The following SPIRE2 variants were observed in gnomAD, a reference collection of about 807,000 sequenced individuals.
SPIRE2 encodes the protein spire type actin nucleation factor 2.
Under a neutral mutation model 80.7 loss-of-function variants are expected in SPIRE2, and 76 were observed. The observed-to-expected ratio is 0.94, with a 90% CI of 0.78 to 1.14. The LOEUF (loss-of-function observed/expected upper bound fraction) is 1.14. SPIRE2 is among the 50% of genes most tolerant of loss of function. The pLI, the probability that SPIRE2 is intolerant of heterozygous loss-of-function variation, is 0.00. For missense variants in SPIRE2, 1,196 were observed against 1,015.3 expected (o/e 1.18, Z -2.42); for synonymous variants, 535 against 432.6 (o/e 1.24, Z -2.94).
chr16:89,842,915 C>T (rs905896809), intron 1 of SPIRE2, among the ~76,000 whole-genome samples: 1 of 152,208 alleles, frequency 6.6e-6, no homozygotes, highest in Non-Finnish European at 1.5e-5. Context: ...GAGCAGGCTC[C>T]CTTTATCTTT....
intron 1 of SPIRE2, among the ~76,000 whole-genome samples, chr16:89,838,474 G>A (rs549341885): frequency 4.0e-5 from 6 of 151,610 alleles, no homozygotes; most frequent in African/African-American, 1.5e-4. Context: ...GTGAGCCACC[G>A]TCCCCAGCCT....
At chr16:89,858,593 G>C in intron 8 of SPIRE2, 86 bp downstream of exon 8, 1 of 1,342,786 alleles carries the variant, frequency 7.4e-7, no homozygotes, top group South Asian at 1.6e-5. Flanking sequence ...CTAAGCCGGG[G>C]GCAGCAGCAA....
chr16:89,869,053 A>AATATATATAT (rs1555601129), intron 13 of SPIRE2, among the ~76,000 whole-genome samples: 1 of 24,026 alleles, frequency 4.2e-5, no homozygotes, highest in African/African-American at 1.6e-4. Flanking sequence ...AAAAAAAAAA[A>AATATATATAT]ATATATATAT....
At chr16:89,866,298 T>G (rs922586039) in intron 12 of SPIRE2, among the ~76,000 whole-genome samples, 2 of 152,180 alleles carry the variant, frequency 1.3e-5, no homozygotes, top group Non-Finnish European at 1.5e-5. Flanking sequence ...GTTTGAATTT[T>G]TTTTTTTTAT....
intron 1 of SPIRE2, among the ~76,000 whole-genome samples, chr16:89,841,047 A>C (rs938054142): frequency 6.6e-6 from 1 of 151,976 alleles, no homozygotes; most frequent in African/African-American, 2.4e-5. Context: ...AGTCAGGTGC[A>C]GTAGCTCACA....
intron 1 of SPIRE2, among the ~76,000 whole-genome samples, chr16:89,843,351 C>G (rs534916266): frequency 6.6e-6 from 1 of 152,128 alleles, no homozygotes; most frequent in Non-Finnish European, 1.5e-5. Flanking sequence ...GGTTCGCTCC[C>G]GGGCCTCCCT....
intron 1 of SPIRE2, among the ~76,000 whole-genome samples, chr16:89,831,395 C>T (rs1598214215): frequency 6.9e-6 from 1 of 145,224 alleles, no homozygotes. Flanking sequence ...TTTTTTCTTT[C>T]TTTCTTTTTT....
chr16:89,868,151 C>T lies in SPIRE2; in HGVS notation c.1779-38C>T, dbSNP rs753631337. On this transcript the variant is annotated intron_variant, in intron 12 of 14. Coordinates refer to ENST00000378247, the MANE Select transcript of SPIRE2 (RefSeq NM_032451.2). ...TGTTTCTCAGCTGTTTGTGGGCTTC[C>T]TCCCTGCTGATGCTGCATTTCCTCT... 2.5e-6 allele frequency: 4 copies of T among 1,613,746 alleles called. No individual in the cohort carries two copies. The South Asian group carries it at 3.3e-5, about 13-fold the overall frequency.
At chr16:89,855,929 T>A in intron 6 of SPIRE2, 184 bp from the exon 7 acceptor site, 8 of 1,160,408 alleles carry the variant, frequency 6.9e-6, no homozygotes, top group Non-Finnish European at 4.7e-6. Context: ...CCCAGGTGCA[T>A]GCGGAGCCCA....
chr16:89,865,004 C>CTTT (rs398042284), intron 12 of SPIRE2, among the ~76,000 whole-genome samples: 26 of 125,344 alleles, frequency 2.1e-4, no homozygotes, highest in Non-Finnish European at 2.9e-4. Flanking sequence ...ACTTTTTTTC[C>CTTT]TTTTTTTTTT....
At chr16:89,870,013 T>G (rs1451719627) in intron 14 of SPIRE2, 37 bp from the exon 15 acceptor site, 28 of 1,574,668 alleles carry the variant, frequency 1.8e-5, no homozygotes, top group Non-Finnish European at 2.4e-5. Context: ...GCACCCTGGC[T>G]GGCTCCTCTC....
chr16:89,851,040 C>T (rs1374577077), intron 3 of SPIRE2, among the ~76,000 whole-genome samples: 9 of 152,020 alleles, frequency 5.9e-5, no homozygotes, highest in East Asian at 1.9e-4. Flanking sequence ...AAGCTGGTCT[C>T]GAACTCCTGA....
chr16:89,850,731 C>A, intron 3 of SPIRE2, 71 bp downstream of exon 3: 1 of 1,115,398 alleles, frequency 9.0e-7, no homozygotes, highest in Non-Finnish European at 1.2e-6. Context: ...TGGGAGGGGA[C>A]TGGCAAGGAC....
chr16:89,829,483 G>C (rs1172943911), intron 1 of SPIRE2, among the ~76,000 whole-genome samples: 1 of 152,244 alleles, frequency 6.6e-6, no homozygotes, highest in Non-Finnish European at 1.5e-5. Flanking sequence ...TGGAGCATGT[G>C]ATATGACCCC....
intron 1 of SPIRE2, chr16:89,836,518 C>G (rs185521624): frequency 1.7e-4 from 48 of 279,126 alleles, no homozygotes; most frequent in African/African-American, 9.1e-4. Flanking sequence ...GACGGTTCCC[C>G]TAAATACTTC....
At chr16:89,860,386 G>A (rs1197829452) in intron 9 of SPIRE2, among the ~76,000 whole-genome samples, 2 of 152,160 alleles carry the variant, frequency 1.3e-5, no homozygotes, top group South Asian at 2.1e-4. Context: ...AGCCTCCTGA[G>A]TAGCTAGGAC....
At chr16:89,849,347 C>T (rs1016026663) in intron 2 of SPIRE2, among the ~76,000 whole-genome samples, 2 of 152,204 alleles carry the variant, frequency 1.3e-5, no homozygotes, top group African/African-American at 4.8e-5. Context: ...TCAAGGGGAC[C>T]GACCTCTCCA....
intron 2 of SPIRE2, among the ~76,000 whole-genome samples, chr16:89,848,773 G>C (rs2041590461): frequency 6.6e-6 from 1 of 150,618 alleles, no homozygotes. Context: ...AGACGAGGCA[G>C]GTTCCAGGAC....
intron 10 of SPIRE2, among the ~76,000 whole-genome samples, chr16:89,861,033 A>G (rs2041739876): frequency 6.6e-6 from 1 of 151,960 alleles, no homozygotes; most frequent in South Asian, 2.1e-4. Flanking sequence ...GCGGCCCCGG[A>G]GCCTGGTCCC....
Sources: gnomAD v4.1 joint callset for allele counts (sites outside exome capture counted in the v4.1 genomes callset) on GRCh38, gnomAD v4.1.1 for gene constraint, MANE v1.5 for transcripts, NCBI Gene and HGNC (gene_info 2026-07-23, HGNC 2026-07-21) for gene names.